Variants in MRTFA observed in about 807,000 individuals in gnomAD.
MRTFA encodes myocardin related transcription factor A, also known as myocardin-related transcription factor A.
In MRTFA, 20 loss-of-function variants were observed where a neutral mutation model predicts 83.5. That is an observed-to-expected ratio of 0.24 (90% CI 0.17 to 0.35). The LOEUF is 0.35. Among genes scored for constraint, MRTFA ranks in the 10% least tolerant of loss-of-function variants. The pLI, the probability that MRTFA is intolerant of heterozygous loss-of-function variation, is 1.00. For missense variants in MRTFA, 1,200 were observed against 1,224.7 expected (o/e 0.98, Z 0.30); for synonymous variants, 659 against 541.2 (o/e 1.22, Z -3.02).
chr22:40,579,735 C>T (rs1472977892), intron 2 of MRTFA, among the ~76,000 whole-genome samples: 1 of 152,088 alleles, frequency 6.6e-6, no homozygotes, highest in Non-Finnish European at 1.5e-5. Context: ...TGGCAGGCGC[C>T]TATAATCCCA....
chr22:40,548,636 G>A (rs939697321), intron 3 of MRTFA, among the ~76,000 whole-genome samples: 10 of 152,010 alleles, frequency 6.6e-5, no homozygotes, highest in South Asian at 6.2e-4. Flanking sequence ...CAAGGCGGGC[G>A]GATCACAAGG....
intron 4 of MRTFA, among the ~76,000 whole-genome samples, chr22:40,459,820 CACATATATACATATATATATATAT>C (rs1252461807): frequency 2.4e-5 from 2 of 82,938 alleles, no homozygotes; most frequent in African/African-American, 1.1e-4. Flanking sequence ...CACACACACA[CACATATATACATATATATATATAT>C]ATATATATAT....
intron 14 of MRTFA, 167 bp from the exon 15 acceptor site, chr22:40,412,074 T>C (rs2052563168): frequency 9.7e-6 from 5 of 513,404 alleles, no homozygotes; most frequent in Non-Finnish European, 1.5e-5. Context: ...TTAAAAATAT[T>C]TGCAAATCAC....
chr22:40,589,672 A>T (rs1739161606), intron 2 of MRTFA, among the ~76,000 whole-genome samples: 1 of 152,224 alleles, frequency 6.6e-6, no homozygotes, highest in African/African-American at 2.4e-5. Context: ...TTATGACCCA[A>T]GGAAAACTAA....
At chr22:40,614,292 TC>T (rs1057283798) in intron 1 of MRTFA, among the ~76,000 whole-genome samples, 2 of 151,576 alleles carry the variant, frequency 1.3e-5, no homozygotes, top group African/African-American at 4.8e-5. Context: ...CCACCTGTAG[TC>T]CCAGCTACTT....
At chr22:40,601,698 A>C (rs1410500322) in intron 1 of MRTFA, among the ~76,000 whole-genome samples, 1 of 152,180 alleles carries the variant, frequency 6.6e-6, no homozygotes, top group Non-Finnish European at 1.5e-5. Context: ...TAACCTTTAA[A>C]GCCTGAAGAT....
At chr22:40,622,309 G>A (rs79189283) in intron 1 of MRTFA, among the ~76,000 whole-genome samples, 3,013 of 151,882 alleles carry the variant, frequency 0.02, 89 homozygotes, top group African/African-American at 0.068. Flanking sequence ...GTGAAACCCC[G>A]CCTCTACTAA....
At chr22:40,589,951 G>A (rs1201951342) in intron 2 of MRTFA, among the ~76,000 whole-genome samples, 1 of 151,716 alleles carries the variant, frequency 6.6e-6, no homozygotes, top group Non-Finnish European at 1.5e-5. Context: ...GAACCCGGGA[G>A]GCGGAGGTTG....
chr22:40,600,145 GA>G (rs1456698343), intron 1 of MRTFA, among the ~76,000 whole-genome samples: 2 of 152,000 alleles, frequency 1.3e-5, no homozygotes, highest in Admixed American at 1.3e-4. Context: ...GAACACCTAT[GA>G]AAAAAATCTT....
chr22:40,619,025 AAAT>A (rs2056488636), intron 1 of MRTFA, among the ~76,000 whole-genome samples: 1 of 151,630 alleles, frequency 6.6e-6, no homozygotes, highest in Non-Finnish European at 1.5e-5. Context: ...TCCAGGCAAG[AAAT>A]AATAATGATG....
intron 1 of MRTFA, among the ~76,000 whole-genome samples, chr22:40,596,734 G>A (rs1179406087): frequency 6.6e-6 from 1 of 152,162 alleles, no homozygotes; most frequent in African/African-American, 2.4e-5. Context: ...GAACCCGAGA[G>A]GCAGAAGCTG....
In MRTFA at chr22:40,623,167, T is replaced by C. The variant is rs969301585; in HGVS notation, c.-84+13311A>G. 1.3e-4 allele frequency among the ~76,000 whole-genome samples: 20 copies of C among 152,318 alleles called. 1 individual carries two copies. The highest frequency in any genetic ancestry group is 3.4e-3 in the Middle Eastern group (1 of 294). ...TAGAAAGTCCAGAGTACTATGTTCTTATAATTTACTTTGAATACCATTCTG... is the reference window on the plus strand; with the variant it reads ...TAGAAAGTCCAGAGTACTATGTTCTCATAATTTACTTTGAATACCATTCTG... On this transcript the variant is annotated intron_variant, in intron 1 of 14. Transcript: ENST00000355630.
chr22:40,541,456 A>G (rs2055289345), intron 3 of MRTFA, among the ~76,000 whole-genome samples: 1 of 152,104 alleles, frequency 6.6e-6, no homozygotes, highest in Admixed American at 6.6e-5. Flanking sequence ...TCCCCTAGAC[A>G]CCTCGTATTG....
intron 2 of MRTFA, among the ~76,000 whole-genome samples, chr22:40,588,879 G>A (rs1403728184): frequency 6.6e-6 from 1 of 152,154 alleles, no homozygotes; most frequent in African/African-American, 2.4e-5. Context: ...CTACCGAGGA[G>A]GCTGAGGCAG....
intron 3 of MRTFA, among the ~76,000 whole-genome samples, chr22:40,545,616 A>G (rs1468738425): frequency 6.7e-6 from 1 of 149,874 alleles, no homozygotes; most frequent in African/African-American, 2.5e-5. Context: ...TATTTTTATT[A>G]GAGACGGGGT....
At chr22:40,471,900 C>T (rs950152031) in intron 3 of MRTFA, among the ~76,000 whole-genome samples, 2 of 152,104 alleles carry the variant, frequency 1.3e-5, no homozygotes, top group Non-Finnish European at 2.9e-5. Flanking sequence ...AAAAAGAATA[C>T]CAATCATTCA....
chr22:40,437,385 C>T (rs1240971194), intron 4 of MRTFA, among the ~76,000 whole-genome samples: 2 of 152,182 alleles, frequency 1.3e-5, no homozygotes, highest in Non-Finnish European at 2.9e-5. Flanking sequence ...AGAAAACGGA[C>T]ACTGTCCACC....
At chr22:40,508,190 A>G (rs2147236755) in intron 3 of MRTFA, among the ~76,000 whole-genome samples, 1 of 152,168 alleles carries the variant, frequency 6.6e-6, no homozygotes, top group South Asian at 2.1e-4. Context: ...AGGATGTGAA[A>G]AAATGTGTTT....
chr22:40,415,860 G>A (rs1436117103), intron 14 of MRTFA, among the ~76,000 whole-genome samples: 10 of 151,802 alleles, frequency 6.6e-5, no homozygotes, highest in Admixed American at 2.6e-4. Flanking sequence ...CCTTGGTCAC[G>A]GCTGGATTCC....
Sources: allele counts gnomAD v4.1 joint callset (sites outside exome capture counted in the v4.1 genomes callset), GRCh38; gene constraint gnomAD v4.1.1; transcripts MANE v1.5; gene names NCBI Gene and HGNC (gene_info 2026-07-23, HGNC 2026-07-21).